Variants in DIAPH1 observed in about 807,000 individuals in gnomAD.
DIAPH1 encodes protein diaphanous homolog 1.
Under a neutral mutation model 140.7 loss-of-function variants are expected in DIAPH1, and 46 were observed. The ratio of observed to expected loss-of-function variants is 0.33; its 90% CI spans 0.26 to 0.42. The LOEUF (loss-of-function observed/expected upper bound fraction) is 0.42. DIAPH1 is among the 10% of genes least tolerant of loss of function. The probability of loss-of-function intolerance (pLI) is 1.00; values close to 1 mark genes in which losing one functional copy is unlikely to be tolerated. For synonymous variants in DIAPH1, 565 were observed against 551.6 expected, an observed-to-expected ratio of 1.02 and a Z score of -0.34; for missense variants, 1,310 against 1,558.7, an observed-to-expected ratio of 0.84 and a Z score of 2.69.
In DIAPH1 at chr5:141,591,712, A is replaced by ATATATATATATTTATATATATT. The variant is rs1554211011; in HGVS notation, c.118-3463_118-3462insAATATATATAAATATATATATA. On this transcript the variant is annotated intron_variant, in intron 1 of 27. Coordinates refer to ENST00000389054, the MANE Select transcript of DIAPH1 (RefSeq NM_005219.5). ...GAGATGGGGATATATATATATATATATATATATATATATATGAAGGAAGAT... is the reference window on the plus strand; with the variant it reads ...GAGATGGGGATATATATATATATATATATATATATATTTATATATATTTATATATATATATATGAAGGAAGAT... Among the ~76,000 whole-genome samples, 49 of 71,668 alleles carry ATATATATATATTTATATATATT rather than the reference A, an allele frequency of 6.8e-4. 2 individuals are homozygous for ATATATATATATTTATATATATT. The highest frequency in any genetic ancestry group is 1.8e-3 in the African/African-American group (38 of 20,590). 47.0% of individuals were successfully genotyped at this position (71,668 alleles called of 152,430 possible).
intron 1 of DIAPH1, among the ~76,000 whole-genome samples, chr5:141,615,593 AT>A (rs2099902551): frequency 2.6e-5 from 4 of 151,842 alleles, no homozygotes; most frequent in Admixed American, 1.3e-4. Flanking sequence ...TACAAAAAAA[AT>A]TAGCCAGGCG....
intron 18 of DIAPH1, among the ~76,000 whole-genome samples, chr5:141,535,839 T>C (rs920369656): frequency 6.6e-6 from 1 of 152,250 alleles, no homozygotes; most frequent in African/African-American, 2.4e-5. Flanking sequence ...TAGCTGCCTC[T>C]GAGCAGAGGA....
At chr5:141,549,454 A>C (rs1157561452) in intron 18 of DIAPH1, among the ~76,000 whole-genome samples, 2 of 152,208 alleles carry the variant, frequency 1.3e-5, no homozygotes, top group Non-Finnish European at 2.9e-5. Flanking sequence ...CAGTGGAAGA[A>C]TTAACACCCG....
chr5:141,554,486 AG>A (rs34007309), intron 18 of DIAPH1, among the ~76,000 whole-genome samples: 1 of 151,710 alleles, frequency 6.6e-6, no homozygotes, highest in Non-Finnish European at 1.5e-5. Context: ...CAAACACTCA[AG>A]GAATAAATAA....
chr5:141,576,318 G>A, intron 13 of DIAPH1, 24 bp from the exon 14 acceptor site: 1 of 1,568,668 alleles, frequency 6.4e-7, no homozygotes, highest in Non-Finnish European at 8.8e-7. Flanking sequence ...GAGTCAGTAA[G>A]TAAAGCTCCT....
chr5:141,576,940 A>G (rs1236306215), intron 12 of DIAPH1, 69 bp from the exon 13 acceptor site: 1 of 981,818 alleles, frequency 1.0e-6, no homozygotes, highest in Non-Finnish European at 1.6e-6. Flanking sequence ...ATTCAGGACC[A>G]AGAAAACGTA....
At chr5:141,594,912 G>A (rs10066420) in intron 1 of DIAPH1, among the ~76,000 whole-genome samples, 43,582 of 150,536 alleles carry the variant, frequency 0.29, 6,579 homozygotes, top group Admixed American at 0.38. Flanking sequence ...ATGGTGGCGG[G>A]TGCCTGTAAT....
intron 1 of DIAPH1, among the ~76,000 whole-genome samples, chr5:141,617,271 T>G (rs1426333904): frequency 1.4e-5 from 2 of 146,500 alleles, no homozygotes; most frequent in African/African-American, 5.1e-5. Flanking sequence ...AAGGAGGGGG[T>G]GTCAATACCC....
At chr5:141,568,578 AC>A (rs958658380) in intron 18 of DIAPH1, among the ~76,000 whole-genome samples, 15 of 152,216 alleles carry the variant, frequency 9.9e-5, no homozygotes. Flanking sequence ...ATATTCTAGG[AC>A]CAGTTCCTGT....
chr5:141,599,275 C>T (rs1020122294), intron 1 of DIAPH1, among the ~76,000 whole-genome samples: 2 of 152,088 alleles, frequency 1.3e-5, no homozygotes, highest in South Asian at 2.1e-4. Context: ...TAATCATGGA[C>T]GGTAATTGCA....
intron 1 of DIAPH1, among the ~76,000 whole-genome samples, chr5:141,604,471 A>G (rs989035641): frequency 6.6e-6 from 1 of 152,204 alleles, no homozygotes; most frequent in Non-Finnish European, 1.5e-5. Flanking sequence ...TCAGTGACTC[A>G]GGAATGCTGT....
At chr5:141,558,512 T>C (rs1450297915) in intron 18 of DIAPH1, 3 of 151,914 alleles carry the variant, frequency 2.0e-5, no homozygotes, top group Non-Finnish European at 2.9e-5. Context: ...GATAGAAAAA[T>C]GGGCTTTTCA....
intron 1 of DIAPH1, among the ~76,000 whole-genome samples, chr5:141,590,473 C>T (rs1170263965): frequency 6.6e-6 from 1 of 152,118 alleles, no homozygotes; most frequent in African/African-American, 2.4e-5. Context: ...CAACATAGTT[C>T]CTTTTGTCAC....
chr5:141,571,938 C>A lies in DIAPH1; in HGVS notation c.2461G>T (p.Ala821Ser), dbSNP rs201900613. 5 of 1,613,216 alleles carry A rather than the reference C, an allele frequency of 3.1e-6. No homozygotes were observed. In the South Asian group the frequency reaches 5.5e-5, roughly 18 times the overall value. ...GGAAGGTACTCACTCTTGGTCTGGG[C>A]AGAGAAGGTAAGGGTAAGTTTGGCG... ...LFAKLTLTFS[A>S]QTKTSKAKKD... The change falls in exon 17 of 28, where the codon GCC becomes TCC. Residue 821 changes from alanine to serine, a missense_variant. Ala to Ser is a moderately conservative substitution (Grantham distance 99). This residue lies in a region of DIAPH1 where 589 missense variants were observed against 549.3 expected (regional missense o/e 1.07). Coordinates refer to ENST00000389054, the MANE Select transcript of DIAPH1 (RefSeq NM_005219.5).
chr5:141,529,571 G>A (rs1004700257), intron 20 of DIAPH1, 32 bp downstream of exon 20: 1 of 1,550,350 alleles, frequency 6.5e-7, no homozygotes, highest in Non-Finnish European at 8.9e-7. Context: ...ACACAGAAGA[G>A]CCTGCTCCAG....
intron 1 of DIAPH1, among the ~76,000 whole-genome samples, chr5:141,594,239 G>A (rs1007257432): frequency 2.0e-5 from 3 of 152,186 alleles, no homozygotes; most frequent in Non-Finnish European, 4.4e-5. Flanking sequence ...TTATCCAAAG[G>A]AAGTGAAAAC....
At position 141,583,305 on chromosome 5, in the gene DIAPH1, G is replaced by C. The variant is rs2099897047; in HGVS notation, c.534-13C>G. Reference sequence around the variant, plus strand: ...TGTTTGCACCCAACTGTAAGGAACAGAGAGAGGCAATGCAATATCAAACCA... The same window carrying C: ...TGTTTGCACCCAACTGTAAGGAACACAGAGAGGCAATGCAATATCAAACCA... On this transcript the variant is annotated splice_polypyrimidine_tract_variant and intron_variant, in intron 5 of 27. Transcript: ENST00000389054. The C allele has an allele frequency of 6.2e-7, 1 of 1,613,646 alleles. No individual in the cohort carries two copies. The highest frequency in any genetic ancestry group is 8.5e-7 in the Non-Finnish European group (1 of 1,179,498).
At chr5:141,528,972 G>A in intron 21 of DIAPH1, 31 bp from the exon 22 acceptor site, 1 of 1,613,636 alleles carries the variant, frequency 6.2e-7, no homozygotes, top group Non-Finnish European at 8.5e-7. Flanking sequence ...TTCCATTACA[G>A]TCAAAAGAGG....
chr5:141,582,997 C>T (rs943385457), intron 6 of DIAPH1, among the ~76,000 whole-genome samples: 1 of 152,214 alleles, frequency 6.6e-6, no homozygotes, highest in South Asian at 2.1e-4. Flanking sequence ...TGAACTTATC[C>T]AACATGAAAT....
Sources: allele counts gnomAD v4.1 joint callset (sites outside exome capture counted in the v4.1 genomes callset), GRCh38; gene constraint gnomAD v4.1.1; regional missense constraint gnomAD v4.1.1; transcripts MANE v1.5; gene names NCBI Gene and HGNC (gene_info 2026-07-23, HGNC 2026-07-21).